Variants in GNB5 observed in about 807,000 individuals in gnomAD.
GNB5 encodes guanine nucleotide-binding protein subunit beta-5.
A neutral mutation model predicts 55.3 loss-of-function variants in GNB5; 37 were observed. That is an observed-to-expected ratio of 0.67 (90% confidence interval 0.51 to 0.88). GNB5 has a LOEUF of 0.88. Among genes scored for constraint, GNB5 ranks in the 40% least tolerant of loss-of-function variants. GNB5 has a pLI of 0.00. For synonymous variants in GNB5, 219 were observed against 198.5 expected, an observed-to-expected ratio of 1.10 and a Z score of -0.87; for missense variants, 476 against 515.3, an observed-to-expected ratio of 0.92 and a Z score of 0.74.
chr15:52,185,995 T>G (rs190256923), intron 1 of GNB5, among the ~76,000 whole-genome samples: 62 of 152,176 alleles, frequency 4.1e-4, no homozygotes, highest in African/African-American at 1.5e-3. Context: ...GCCAGGCTGG[T>G]CTCAAACTCC....
At chr15:52,139,940 C>T in intron 7 of GNB5, 1 of 1,285,466 alleles carries the variant, frequency 7.8e-7, no homozygotes, top group Non-Finnish European at 1.0e-6. Context: ...TTCATCCAGC[C>T]TAAATGTCCT....
intron 3 of GNB5, among the ~76,000 whole-genome samples, chr15:52,163,615 G>A (rs2034387957): frequency 6.6e-6 from 1 of 152,236 alleles, no homozygotes; most frequent in African/African-American, 2.4e-5. Flanking sequence ...AGCTGCTGTG[G>A]CAGATCATGG....
Position 52,163,512 on chromosome 15 carries a change from A to G in GNB5, c.239-9436T>C, listed in dbSNP as rs28835411. On this transcript the variant is annotated intron_variant, in intron 3 of 12. Coordinates refer to ENST00000261837, the MANE Select transcript of GNB5 (RefSeq NM_016194.4). ...GGGTGGACGTGTAGGAGGGACAGAC[A>G]CTATCTCTGCAGCTCAAGTAGGCCA... Among the ~76,000 whole-genome samples, 23,864 of 152,140 alleles carry G rather than the reference A, an allele frequency of 0.16. 2,091 individuals are homozygous for G. Among genetic ancestry groups the G allele is most frequent in the East Asian group, 0.23 (1,202 of 5,154 alleles).
chr15:52,126,626 G>C (rs375621148), intron 10 of GNB5, among the ~76,000 whole-genome samples: 1 of 152,056 alleles, frequency 6.6e-6, no homozygotes, highest in Non-Finnish European at 1.5e-5. Flanking sequence ...TTTTGGTTGT[G>C]TTTAATTTTT....
intron 7 of GNB5, among the ~76,000 whole-genome samples, chr15:52,136,064 AAC>A (rs147163026): frequency 0.048 from 4,655 of 97,786 alleles, 127 homozygotes; most frequent in African/African-American, 0.055. Flanking sequence ...GGAAAAGCAG[AAC>A]ACACACACAC....
At chr15:52,157,741 G>A (rs954730483) in intron 3 of GNB5, among the ~76,000 whole-genome samples, 3 of 152,138 alleles carry the variant, frequency 2.0e-5, no homozygotes, top group East Asian at 1.9e-4. Flanking sequence ...CTTACATAAT[G>A]TGAATTTGAA....
chr15:52,174,447 G>T (rs1199442180), intron 3 of GNB5, among the ~76,000 whole-genome samples: 1 of 152,194 alleles, frequency 6.6e-6, no homozygotes, highest in East Asian at 1.9e-4. Context: ...GAAGCAGGAA[G>T]CTCTGTGGGA....
rs1555409558 is a variant in GNB5, at chr15:52,185,753, T to TTATTATTATTA, written c.-18-1060_-18-1059insTAATAATAATA. ...CCACTTTGAGCTGTGTATTCATCTT[T>TTATTATTATTA]TTATTATTATTATTATTATTATTAT... On this transcript the variant is annotated intron_variant, in intron 1 of 12. Transcript: ENST00000261837. Among the ~76,000 whole-genome samples, 32 of 136,712 alleles carry TTATTATTATTA rather than the reference T, an allele frequency of 2.3e-4. 1 individual carries two copies. The highest frequency in any genetic ancestry group is 1.2e-3 in the South Asian group (5 of 4,112). 89.7% of individuals were successfully genotyped at this position (136,712 alleles called of 152,430 possible).
chr15:52,134,571 A>G (rs1051519373), intron 8 of GNB5, among the ~76,000 whole-genome samples: 1 of 152,204 alleles, frequency 6.6e-6, no homozygotes, highest in Non-Finnish European at 1.5e-5. Flanking sequence ...AGTTGAGGAG[A>G]GATAAATACA....
chr15:52,133,685 G>A (rs1036793697), intron 8 of GNB5, among the ~76,000 whole-genome samples: 2 of 152,220 alleles, frequency 1.3e-5, no homozygotes, highest in African/African-American at 4.8e-5. Context: ...AGGAGGGAAG[G>A]CACTCGGCTT....
chr15:52,151,167 G>T (rs1421564807), intron 4 of GNB5, among the ~76,000 whole-genome samples: 2 of 152,134 alleles, frequency 1.3e-5, no homozygotes, highest in Non-Finnish European at 2.9e-5. Flanking sequence ...ACAGTGTGTG[G>T]GGTGGATTCA....
chr15:52,147,010 TCA>T (rs2033991217), intron 6 of GNB5, among the ~76,000 whole-genome samples: 2 of 152,334 alleles, frequency 1.3e-5, no homozygotes, highest in South Asian at 4.1e-4. Flanking sequence ...TATCCATTTT[TCA>T]AGGCTTCTGA....
Position 52,122,194 on chromosome 15 carries a change from A to G in GNB5, c.*563T>C, listed in dbSNP as rs80351019. ...AAAATGTTGTATCTGAAAAAAGACA[A>G]TAGAACAGGAAGCTGAAAAAGATAC... On this transcript the variant is annotated 3_prime_UTR_variant, in exon 13 of 13. Coordinates refer to ENST00000261837, the MANE Select transcript of GNB5 (RefSeq NM_016194.4). The G allele has an allele frequency of 6.6e-6, 1 of 152,454 alleles. No homozygotes were observed. The highest frequency in any genetic ancestry group is 1.9e-4 in the East Asian group (1 of 5,190). The allele number at this position is 152,454 out of a possible 1,614,324, so 9.4% of individuals were successfully genotyped here.
At chr15:52,173,621 C>A (rs1596103478) in intron 3 of GNB5, among the ~76,000 whole-genome samples, 1 of 152,340 alleles carries the variant, frequency 6.6e-6, no homozygotes, top group East Asian at 1.9e-4. Context: ...GTAGACGGAA[C>A]TAGGTCAGTT....
At position 52,117,102 on chromosome 15, in the gene GNB5, A is replaced by ATATATATATTT; in HGVS notation, c.*5654_*5655insAAATATATATA. The stretch of plus-strand genomic sequence containing the variant: ...CCACGCCCAGCTAATATATATATAT[A>ATATATATATTT]TTTTTTTTTAGTACAGACAGGGTTT... On this transcript the variant is annotated 3_prime_UTR_variant, in exon 13 of 13. Transcript: ENST00000261837. The ATATATATATTT allele has an allele frequency of 3.4e-5, 3 of 87,100 alleles. 1 individual carries two copies. The highest frequency in any genetic ancestry group is 1.2e-4 in the Admixed American group (1 of 8,100). 5.4% of individuals were successfully genotyped at this position (87,100 alleles called of 1,614,324 possible). A position where few individuals can be genotyped will look rare whatever the true frequency, so the allele number is the denominator to read the frequency against.
intron 6 of GNB5, among the ~76,000 whole-genome samples, chr15:52,143,620 T>C (rs1384486386): frequency 6.6e-6 from 1 of 152,182 alleles, no homozygotes; most frequent in Non-Finnish European, 1.5e-5. Flanking sequence ...GCTTTCAAGT[T>C]TGGAAACAAC....
At chr15:52,143,178 A>C (rs1023271719) in intron 6 of GNB5, among the ~76,000 whole-genome samples, 9 of 151,782 alleles carry the variant, frequency 5.9e-5, no homozygotes, top group African/African-American at 1.2e-4. Flanking sequence ...AAAAAAAAAA[A>C]CAGAATGTGT....
At position 52,190,778 on chromosome 15, in the gene GNB5, T is replaced by TAAAAAAAAAAAAAAAAAAAAAAA. The variant is rs58614125; in HGVS notation, c.-19+521_-19+543dup. Among the ~76,000 whole-genome samples, 2 of 96,934 alleles carry TAAAAAAAAAAAAAAAAAAAAAAA rather than the reference T, an allele frequency of 2.1e-5. 1 individual carries two copies. The highest frequency in any genetic ancestry group is 8.8e-5 in the African/African-American group (2 of 22,692). 63.6% of individuals were successfully genotyped at this position (96,934 alleles called of 152,430 possible). The stretch of plus-strand genomic sequence containing the variant: ...CCACAGAAAATAATGCTTATTTCCT[T>TAAAAAAAAAAAAAAAAAAAAAAA]AAAAAAAAAAAAAAAAAAAAAAAAA... On this transcript the variant is annotated intron_variant, in intron 1 of 12. Transcript: ENST00000261837.
chr15:52,151,094 G>A (rs1209068758), intron 4 of GNB5, among the ~76,000 whole-genome samples: 1 of 152,180 alleles, frequency 6.6e-6, no homozygotes, highest in Non-Finnish European at 1.5e-5. Flanking sequence ...GGTGGTTTGG[G>A]GGCCTTCTGA....
Sources: gnomAD v4.1 joint callset for allele counts (sites outside exome capture counted in the v4.1 genomes callset) on GRCh38, gnomAD v4.1.1 for gene constraint, MANE v1.5 for transcripts, NCBI Gene and HGNC (gene_info 2026-07-23, HGNC 2026-07-21) for gene names.